ZNF480: variants seen among roughly 807,000 people sequenced by gnomAD.
ZNF480 encodes the protein zinc finger protein 480.
A neutral mutation model predicts 14.4 loss-of-function variants in ZNF480; 15 were observed. The observed-to-expected ratio is 1.04, with a 90% CI of 0.70 to 1.60. The LOEUF is 1.60. Ranked by LOEUF, ZNF480 falls within the 40% of genes most tolerant of loss-of-function variation. The pLI, the probability that ZNF480 is intolerant of heterozygous loss-of-function variation, is 0.00. For missense variants in ZNF480, 593 were observed against 629.7 expected (o/e 0.94, Z 0.62); for synonymous variants, 218 against 215.5 (o/e 1.01, Z -0.10).
rs1197325146 is a variant in ZNF480 at position 52,324,756 on chromosome 19, TC to T, written c.*1900del. On this transcript the variant is annotated 3_prime_UTR_variant, in exon 5 of 5. Coordinates refer to ENST00000595962, the MANE Select transcript of ZNF480 (RefSeq NM_144684.4). ...GCAGGATATTGAAACTGGACCCCTA[TC>T]CTTCACGATATACAAAAATCAACTC... The T allele has an allele frequency of 6.6e-6, 1 of 152,082 alleles. No individual in the cohort carries two copies. The highest frequency in any genetic ancestry group is 2.4e-5 in the African/African-American group (1 of 41,418). The allele number at this position is 152,082 out of a possible 1,614,324, so 9.4% of individuals were successfully genotyped here.
Position 52,321,868 on chromosome 19 carries a change from T to G in ZNF480, c.618T>G (p.Asn206Lys). Residue 206 changes from asparagine (N) to lysine (K), a missense_variant, in exon 5 of 5, where the codon AAT becomes AAG. Asn to Lys is a moderately conservative substitution (Grantham distance 94, BLOSUM62 0). Transcript: ENST00000595962. The stretch of plus-strand genomic sequence containing the variant: ...TTAGAGAAAAACCTTATGAATGTAA[T>G]GAGCATAGCAAAGTCTTTAGAGTAT... ...VHLREKPYEC[N>K]EHSKVFRVSS... The G allele has an allele frequency of 1.2e-6, 2 of 1,614,160 alleles. No individual in the cohort carries two copies. The highest frequency in any genetic ancestry group is 1.7e-6 in the Non-Finnish European group (2 of 1,180,014).
chr19:52,300,342 G>A (rs959022416), intron 1 of ZNF480, 52 bp from the exon 2 acceptor site: 32 of 1,586,516 alleles, frequency 2.0e-5, no homozygotes, highest in Non-Finnish European at 2.7e-5. Flanking sequence ...TTGTGGCACA[G>A]GAAAAGGGTG....
At position 52,325,121 on chromosome 19, in the gene ZNF480, C is replaced by G. The variant is rs1343164000; in HGVS notation, c.*2263C>G. On this transcript the variant is annotated 3_prime_UTR_variant, in exon 5 of 5. Coordinates refer to ENST00000595962, the MANE Select transcript of ZNF480 (RefSeq NM_144684.4). Reference sequence around the variant, plus strand: ...GCAAAGGCCATGAATAGACCTTTCTCAAAAGAATACATACATGTGGCAATA... The same window carrying G: ...GCAAAGGCCATGAATAGACCTTTCTGAAAAGAATACATACATGTGGCAATA... 1 of 151,958 alleles carries G rather than the reference C, an allele frequency of 6.6e-6. No individual in the cohort carries two copies. The highest frequency in any genetic ancestry group is 1.5e-5 in the Non-Finnish European group (1 of 68,004). The allele number at this position is 151,958 out of a possible 1,614,324, so 9.4% of individuals were successfully genotyped here.
intron 2 of ZNF480, among the ~76,000 whole-genome samples, chr19:52,309,008 C>G (rs1402263378): frequency 6.6e-6 from 1 of 152,156 alleles, no homozygotes; most frequent in Non-Finnish European, 1.5e-5. Context: ...CACCCTCTCT[C>G]AGTCTCACTG....
chr19:52,301,516 C>T (rs889020626), intron 2 of ZNF480: 1 of 152,174 alleles, frequency 6.6e-6, no homozygotes. Context: ...TATCTGCATT[C>T]TATATTCTAG....
At chr19:52,299,286 GAA>G (rs1219556639) in intron 1 of ZNF480, among the ~76,000 whole-genome samples, 27 of 152,318 alleles carry the variant, frequency 1.8e-4, no homozygotes, top group African/African-American at 6.3e-4. Context: ...CATATCTGAT[GAA>G]CAAAATGTGT....
At position 52,322,610 on chromosome 19, in the gene ZNF480, C is replaced by T. The variant is rs1983894567; in HGVS notation, c.1360C>T (p.Pro454Ser). 2 of 1,613,918 alleles carry T rather than the reference C, an allele frequency of 1.2e-6. No homozygotes were observed. The highest frequency in any genetic ancestry group is 1.7e-6 in the Non-Finnish European group (2 of 1,179,996). ...AHLVIHTGEKPYKCSECGKAF... is the reference protein window; with the variant it reads ...AHLVIHTGEKSYKCSECGKAF... ...TCTTGTAATCCACACTGGAGAGAAG[C>T]CTTACAAATGTAGTGAATGTGGCAA... Residue 454 changes from proline (P) to serine (S), a missense_variant, in exon 5 of 5, where the codon CCT becomes TCT. Coordinates refer to ENST00000595962, the MANE Select transcript of ZNF480 (RefSeq NM_144684.4).
chr19:52,300,322 G>A, intron 1 of ZNF480, 72 bp from the exon 2 acceptor site: 1 of 1,518,246 alleles, frequency 6.6e-7, no homozygotes, highest in South Asian at 1.2e-5. Flanking sequence ...GGTCTAACCT[G>A]TGTGTGTGAT....
intron 1 of ZNF480, among the ~76,000 whole-genome samples, chr19:52,298,659 A>C (rs1159756513): frequency 6.6e-6 from 1 of 151,424 alleles, no homozygotes; most frequent in African/African-American, 2.4e-5. Flanking sequence ...AGAGACAAAT[A>C]GGTGGAGAAT....
chr19:52,298,925 A>G (rs68073118), intron 1 of ZNF480, among the ~76,000 whole-genome samples: 13,346 of 152,252 alleles, frequency 0.088, 744 homozygotes, highest in East Asian at 0.16. Context: ...CCCTGGGTGC[A>G]GATGAACGGT....
chr19:52,310,930 G>T (rs544473365), intron 2 of ZNF480, among the ~76,000 whole-genome samples: 1 of 149,248 alleles, frequency 6.7e-6, no homozygotes, highest in African/African-American at 2.5e-5. Flanking sequence ...GCGTGAACCC[G>T]GGAGGCAGAG....
intron 2 of ZNF480, among the ~76,000 whole-genome samples, chr19:52,305,043 G>T (rs535708055): frequency 1.3e-5 from 2 of 152,220 alleles, no homozygotes; most frequent in East Asian, 3.9e-4. Flanking sequence ...AGCTTGCAGT[G>T]AGCTGAGATC....
In ZNF480 at chr19:52,309,659, G is replaced by A. The variant is rs947985233; in HGVS notation, c.73-4494G>A. On this transcript the variant is annotated intron_variant, in intron 2 of 4. Coordinates refer to ENST00000595962, the MANE Select transcript of ZNF480 (RefSeq NM_144684.4). ...TCTGGATGATGGCATGTCATGCCTG[G>A]GCAGGGGTTCTGGTGGGCGTGTGTC... Among the ~76,000 whole-genome samples, 76 of 152,170 alleles carry A rather than the reference G, an allele frequency of 5.0e-4. 2 individuals are homozygous for A. Among genetic ancestry groups the A allele is most frequent in the Admixed American group, 4.2e-3 (64 of 15,276 alleles).
chr19:52,324,454 A>G lies in ZNF480; in HGVS notation c.*1596A>G, dbSNP rs1983998252. ...GAAAACATTCTGAAATTTATTTGGA[A>G]CCAGAAAAGCCCAACCTAAATAGCA... On this transcript the variant is annotated 3_prime_UTR_variant, in exon 5 of 5. Transcript: ENST00000595962. The G allele has an allele frequency of 6.6e-6, 1 of 152,188 alleles. No homozygotes were observed. The highest frequency in any genetic ancestry group is 2.1e-4 in the South Asian group (1 of 4,832). The allele number at this position is 152,188 out of a possible 1,614,324, so 9.4% of individuals were successfully genotyped here. A position where few individuals can be genotyped will look rare whatever the true frequency, so the allele number is the denominator to read the frequency against.
chr19:52,313,987 G>GA lies in ZNF480; in HGVS notation c.73-158dup, dbSNP rs536279461. The stretch of plus-strand genomic sequence containing the variant: ...GAGTAAGACTCTGTCTCAAAAAAAA[G>GA]AAAAAAAACACATTTACAGACACAT... On this transcript the variant is annotated intron_variant, in intron 2 of 4. Coordinates refer to ENST00000595962, the MANE Select transcript of ZNF480 (RefSeq NM_144684.4). 6.8e-3 allele frequency: 5,100 copies of GA among 754,004 alleles called. 57 individuals are homozygous for GA. Among genetic ancestry groups the GA allele is most frequent in the South Asian group, 0.031 (1,794 of 57,712 alleles). The allele number at this position is 754,004 out of a possible 1,614,324, so 46.7% of individuals were successfully genotyped here. A position where few individuals can be genotyped will look rare whatever the true frequency, so the allele number is the denominator to read the frequency against.
At chr19:52,306,460 T>C (rs188666638) in intron 2 of ZNF480, among the ~76,000 whole-genome samples, 16 of 152,248 alleles carry the variant, frequency 1.1e-4, no homozygotes, top group African/African-American at 1.9e-4. Flanking sequence ...TGGTCTGCAG[T>C]TATATTAATT....
chr19:52,299,737 A>G (rs1379035716), intron 1 of ZNF480, among the ~76,000 whole-genome samples: 1 of 152,014 alleles, frequency 6.6e-6, no homozygotes, highest in Non-Finnish European at 1.5e-5. Context: ...CTTGTTGCCC[A>G]GGCTGGAGTG....
rs201003978 is a variant in ZNF480 at position 52,321,814 on chromosome 19, A to C, written c.564A>C (p.Ser188=). 1.1e-5 allele frequency: 17 copies of C among 1,613,852 alleles called. No individual in the cohort carries two copies. Among genetic ancestry groups the C allele is most frequent in the Non-Finnish European group, 1.4e-5 (17 of 1,179,896 alleles). The change falls in exon 5 of 5, where the codon TCA becomes TCC. Residue 188 remains serine (S), a synonymous_variant. Transcript: ENST00000595962. The part of the protein sequence containing the change: ...IFNRNDFDDS[S]FLPQEQKVHL... ...ATAGGAATGATTTTGATGATTCTTCATTTCTCCCACAAGAACAGAAAGTAC... is the reference window on the plus strand; with the variant it reads ...ATAGGAATGATTTTGATGATTCTTCCTTTCTCCCACAAGAACAGAAAGTAC...
At chr19:52,303,464 A>G (rs905524808) in intron 2 of ZNF480, among the ~76,000 whole-genome samples, 2 of 152,216 alleles carry the variant, frequency 1.3e-5, no homozygotes, top group Non-Finnish European at 2.9e-5. Context: ...CAGTTTAACA[A>G]TTCAAATTCT....
Sources: allele counts gnomAD v4.1 joint callset (sites outside exome capture counted in the v4.1 genomes callset), GRCh38; gene constraint gnomAD v4.1.1; transcripts MANE v1.5; gene names NCBI Gene and HGNC (gene_info 2026-07-23, HGNC 2026-07-21).